OPHN1: variants seen among roughly 807,000 people sequenced by gnomAD.
The protein encoded by OPHN1 is oligophrenin 1, also known as oligophrenin-1.
A neutral mutation model predicts 60.7 loss-of-function variants in OPHN1; 11 were observed. That is an observed-to-expected ratio of 0.18 (90% CI 0.11 to 0.30). The LOEUF is 0.30. Ranked by LOEUF, OPHN1 falls within the 10% of genes least tolerant of loss-of-function variation. The pLI is 1.00. For synonymous variants in OPHN1, 226 were observed against 222.6 expected (o/e 1.02, Z -0.14); for missense variants, 449 against 611.0 (o/e 0.73, Z 2.80).
intron 19 of OPHN1, among the ~76,000 whole-genome samples, chrX:68,093,198 T>A (rs1261836125): frequency 9.0e-6 from 1 of 111,306 alleles, no homozygotes; most frequent in Non-Finnish European, 1.9e-5. Context: ...AACAAAGATC[T>A]AGAGGTGGTA....
intron 2 of OPHN1, among the ~76,000 whole-genome samples, chrX:68,392,668 T>A (rs1311978197): frequency 9.2e-6 from 1 of 108,921 alleles, no homozygotes; most frequent in Non-Finnish European, 1.9e-5. Flanking sequence ...TAAACCCTGA[T>A]CTCCAGGCTC....
At chrX:68,214,984 G>A (rs188683908) in intron 6 of OPHN1, among the ~76,000 whole-genome samples, 4 of 111,481 alleles carry the variant, frequency 3.6e-5, no homozygotes, top group Admixed American at 9.5e-5. Flanking sequence ...GTGACAGAGC[G>A]AGACTCCATC....
At chrX:68,279,098 G>A (rs865810484) in intron 4 of OPHN1, among the ~76,000 whole-genome samples, 10 of 46,575 alleles carry the variant, frequency 2.1e-4, no homozygotes, top group South Asian at 1.6e-3. Flanking sequence ...GCCCTCCCCC[G>A]CTCTTTTTTT....
chrX:68,235,455 A>G (rs1044115375), intron 5 of OPHN1, among the ~76,000 whole-genome samples: 3 of 110,367 alleles, frequency 2.7e-5, no homozygotes, highest in Non-Finnish European at 5.7e-5. Context: ...CGGATCAAAG[A>G]AAAAAAAATC....
chrX:68,408,879 T>C (rs912763957), intron 2 of OPHN1, among the ~76,000 whole-genome samples: 6 of 112,503 alleles, frequency 5.3e-5, no homozygotes, highest in Admixed American at 4.7e-4. Flanking sequence ...CAGAATCACT[T>C]GAACTCGGGA....
intron 3 of OPHN1, among the ~76,000 whole-genome samples, chrX:68,289,071 T>G (rs1043011529): frequency 9.0e-6 from 1 of 110,902 alleles, no homozygotes; most frequent in Non-Finnish European, 1.9e-5. Context: ...TCTCTTCAGA[T>G]ACTAGGACTG....
At chrX:68,086,387 G>A (rs1042702941) in intron 19 of OPHN1, among the ~76,000 whole-genome samples, 6 of 111,408 alleles carry the variant, frequency 5.4e-5, no homozygotes, top group African/African-American at 2.0e-4. Context: ...GACTAAAATG[G>A]CTTTGATGGA....
At chrX:68,081,684 C>G (rs767044393) in intron 19 of OPHN1, among the ~76,000 whole-genome samples, 1 of 111,785 alleles carries the variant, frequency 8.9e-6, no homozygotes, top group East Asian at 2.8e-4. Flanking sequence ...ATCACCAGAG[C>G]CTTTGGCAAA....
At chrX:68,365,217 C>T (rs1426249699) in intron 2 of OPHN1, among the ~76,000 whole-genome samples, 1 of 110,108 alleles carries the variant, frequency 9.1e-6, no homozygotes, top group Non-Finnish European at 1.9e-5. Context: ...AGTCATTCAA[C>T]AAGGCCTTAC....
intron 2 of OPHN1, among the ~76,000 whole-genome samples, chrX:68,412,940 G>T (rs1178995805): frequency 1.8e-5 from 2 of 111,481 alleles, no homozygotes; most frequent in Non-Finnish European, 3.8e-5. Context: ...AGTTTCAGAA[G>T]CATTCTGAAG....
chrX:68,292,612 G>A, intron 3 of OPHN1, among the ~76,000 whole-genome samples: 1 of 111,233 alleles, frequency 9.0e-6, no homozygotes, highest in Non-Finnish European at 1.9e-5. Flanking sequence ...TTTAGAATCA[G>A]CTCCTAGGCT....
In OPHN1 at chrX:68,256,406, G is replaced by C. The variant is rs761676846; in HGVS notation, c.384+18332C>G. Reference sequence around the variant, plus strand: ...GCGCATTGTTAGAAAATGATTTGAGGCTGCTTTTCATTAAAAAGAAAAGTC... The same window carrying C: ...GCGCATTGTTAGAAAATGATTTGAGCCTGCTTTTCATTAAAAAGAAAAGTC... On this transcript the variant is annotated intron_variant, in intron 5 of 24. Transcript: ENST00000355520. Among the ~76,000 whole-genome samples the C allele has an allele frequency of 2.8e-3, 309 of 111,386 alleles. 2 individuals carry two copies. The highest frequency in any genetic ancestry group is 9.8e-3 in the African/African-American group (300 of 30,659).
chrX:68,317,380 G>A (rs12396113), intron 2 of OPHN1, among the ~76,000 whole-genome samples: 3,378 of 25,502 alleles, frequency 0.13, 173 homozygotes, highest in Non-Finnish European at 0.17. Flanking sequence ...AGAAAGAAAG[G>A]AAGGAAGGAA....
chrX:68,192,025 T>G (rs1427307484), intron 15 of OPHN1, among the ~76,000 whole-genome samples: 1 of 109,683 alleles, frequency 9.1e-6, no homozygotes, highest in Non-Finnish European at 1.9e-5. Flanking sequence ...ACAAGAAATG[T>G]TTTTTAAGAA....
chrX:68,425,674 T>A (rs5965578), intron 2 of OPHN1, among the ~76,000 whole-genome samples: 11,815 of 93,578 alleles, frequency 0.13, 694 homozygotes, highest in African/African-American at 0.24. Context: ...GACCTTTTTT[T>A]AAAAAATTAA....
chrX:68,221,658 G>C (rs2077659165), intron 6 of OPHN1, among the ~76,000 whole-genome samples: 1 of 25,427 alleles, frequency 3.9e-5, no homozygotes, highest in Non-Finnish European at 8.6e-5. Flanking sequence ...TGACAAACCT[G>C]ACAAAAACAA....
At chrX:68,404,022 A>G (rs1488554141) in intron 2 of OPHN1, among the ~76,000 whole-genome samples, 3 of 110,127 alleles carry the variant, frequency 2.7e-5, no homozygotes, top group Non-Finnish European at 3.8e-5. Flanking sequence ...ACCGCTGCGT[A>G]ACTTTGTATA....
chrX:68,074,157 T>C (rs937067539), intron 19 of OPHN1, among the ~76,000 whole-genome samples: 1 of 111,270 alleles, frequency 9.0e-6, no homozygotes, highest in African/African-American at 3.3e-5. Context: ...ACTAACAAAA[T>C]CAACCCCAGT....
At chrX:68,155,717 ACT>A (rs2077306491) in intron 15 of OPHN1, among the ~76,000 whole-genome samples, 1 of 111,600 alleles carries the variant, frequency 9.0e-6, no homozygotes, top group East Asian at 2.8e-4. Context: ...TGTTGGACAT[ACT>A]CTGCCCTGTG....
Sources: gnomAD v4.1 joint callset for allele counts (sites outside exome capture counted in the v4.1 genomes callset) on GRCh38, gnomAD v4.1.1 for gene constraint, MANE v1.5 for transcripts, NCBI Gene and HGNC (gene_info 2026-07-23, HGNC 2026-07-21) for gene names.